IL16: variants seen among roughly 807,000 people sequenced by gnomAD.
IL16 encodes interleukin 16.
In IL16, 67 loss-of-function variants were observed where a neutral mutation model predicts 110.1. The ratio of observed to expected loss-of-function variants is 0.61; its 90% confidence interval spans 0.50 to 0.75. IL16 has a LOEUF of 0.75. IL16 is among the 30% of genes least tolerant of loss of function. The pLI is 0.00. For synonymous variants in IL16, 689 were observed against 662.9 expected, an observed-to-expected ratio of 1.04 and a Z score of -0.61; for missense variants, 1,545 against 1,655.0, an observed-to-expected ratio of 0.93 and a Z score of 1.15.
At chr15:81,227,432 C>T (rs929513591) in intron 2 of IL16, among the ~76,000 whole-genome samples, 2 of 152,166 alleles carry the variant, frequency 1.3e-5, no homozygotes, top group East Asian at 1.9e-4. Context: ...GAGGGGGGTG[C>T]ATCACGTGCC....
intron 10 of IL16, chr15:81,290,004 G>C (rs564891305): frequency 2.5e-6 from 1 of 397,106 alleles, no homozygotes; most frequent in East Asian, 7.2e-5. Flanking sequence ...TTTGACTCTA[G>C]GACTCATACT....
intron 6 of IL16, among the ~76,000 whole-genome samples, chr15:81,278,388 G>A (rs998897946): frequency 6.6e-6 from 1 of 152,192 alleles, no homozygotes; most frequent in Non-Finnish European, 1.5e-5. Flanking sequence ...AGGGATAGGA[G>A]GAGAAAGTGG....
At chr15:81,227,275 A>G (rs142847299) in intron 2 of IL16, among the ~76,000 whole-genome samples, 99 of 152,256 alleles carry the variant, frequency 6.5e-4, no homozygotes, top group African/African-American at 2.3e-3. Flanking sequence ...ATATAATATT[A>G]TATTAAGTAG....
chr15:81,284,004 G>GAAA (rs565288106), intron 9 of IL16, among the ~76,000 whole-genome samples: 50 of 82,454 alleles, frequency 6.1e-4, no homozygotes, highest in African/African-American at 9.6e-4. Flanking sequence ...CCCTGTCTCA[G>GAAA]AAAAAAAAAA....
chr15:81,262,338 T>C (rs367931191), intron 3 of IL16, among the ~76,000 whole-genome samples: 10 of 152,220 alleles, frequency 6.6e-5, no homozygotes, highest in Non-Finnish European at 1.5e-4. Context: ...TCTTTTTTAA[T>C]GTGAAAGTTA....
rs765318997 is a variant in IL16, at chr15:81,197,161, ATGTC to A, written c.-102+14_-102+17del. 12 of 1,286,828 alleles carry A rather than the reference ATGTC, an allele frequency of 9.3e-6. No homozygotes were observed. The highest frequency in any genetic ancestry group is 1.1e-4 in the East Asian group (2 of 17,938). The allele number at this position is 1,286,828 out of a possible 1,614,324, so 79.7% of individuals were successfully genotyped here. ...AGGTAGGTGGGCACCAGGTGAGTGA[ATGTC>A]TGTCAGGCAGCTGCTCTGTCCAGGT... On this transcript the variant is annotated intron_variant, in intron 1 of 18. Transcript: ENST00000683961.
At chr15:81,238,705 A>G (rs917127776) in intron 2 of IL16, among the ~76,000 whole-genome samples, 2 of 152,004 alleles carry the variant, frequency 1.3e-5, no homozygotes, top group African/African-American at 4.8e-5. Flanking sequence ...TTATATTTTT[A>G]CTCATTCTAT....
At chr15:81,265,571 G>T in intron 3 of IL16, 88 bp from the exon 4 acceptor site, 1 of 1,441,978 alleles carries the variant, frequency 6.9e-7, no homozygotes, top group Non-Finnish European at 9.5e-7. Context: ...CTGGCCCCTG[G>T]CTAATGAGGG....
At chr15:81,213,767 G>A (rs1896330364) in intron 1 of IL16, among the ~76,000 whole-genome samples, 2 of 152,078 alleles carry the variant, frequency 1.3e-5, no homozygotes, top group Admixed American at 1.3e-4. Flanking sequence ...AAGTCTATGG[G>A]AGCTACGTGA....
chr15:81,240,989 A>T (rs1897319563), intron 2 of IL16, among the ~76,000 whole-genome samples: 1 of 151,994 alleles, frequency 6.6e-6, no homozygotes, highest in Admixed American at 6.6e-5. Flanking sequence ...TCTGTGGGGT[A>T]TAGGGGTACA....
upstream of IL16, among the ~76,000 whole-genome samples, chr15:81,196,173 T>C (rs1895592330): frequency 6.6e-6 from 1 of 152,184 alleles, no homozygotes; most frequent in African/African-American, 2.4e-5. Context: ...GTCTGTTGTT[T>C]TTGGGAAAGG....
intron 4 of IL16, 120 bp from the exon 5 acceptor site, chr15:81,269,418 T>C: frequency 1.4e-6 from 1 of 708,604 alleles, no homozygotes; most frequent in Non-Finnish European, 2.6e-6. Flanking sequence ...TTACGCTGCC[T>C]GCCCTTAGGA....
At position 81,308,787 on chromosome 15, in the gene IL16, G is replaced by A; in HGVS notation, c.3988G>A (p.Gly1330Arg). 1 of 1,612,772 alleles carries A rather than the reference G, an allele frequency of 6.2e-7. No individual in the cohort carries two copies. Among genetic ancestry groups the A allele is most frequent in the Non-Finnish European group, 8.5e-7 (1 of 1,179,596 alleles). ...CCAGTCCAAGGAAACCACAGCTGCTGGAGACTCCTAGGCAGGACATGCTGA... is the reference window on the plus strand; with the variant it reads ...CCAGTCCAAGGAAACCACAGCTGCTAGAGACTCCTAGGCAGGACATGCTGA... ...SLQSKETTAA[G>R]DS is the part of the protein sequence containing the mutation. The change falls in exon 19 of 19, where the codon GGA (glycine) becomes AGA (arginine). Residue 1330 changes from glycine to arginine, a missense_variant. Around this residue, in one of 3 missense-constraint regions of IL16, gnomAD observed 356 missense variants for 399.3 expected, o/e 0.89. Coordinates refer to ENST00000683961, the MANE Select transcript of IL16 (RefSeq NM_172217.5).
intron 2 of IL16, among the ~76,000 whole-genome samples, chr15:81,231,362 C>CTCTCTCTCTCTCTT: frequency 6.8e-6 from 1 of 146,428 alleles, no homozygotes; most frequent in East Asian, 2.1e-4. Context: ...CTCTCTCTCT[C>CTCTCTCTCTCTCTT]TCTCTCTCTC....
At chr15:81,283,667 G>T (rs573549647) in intron 9 of IL16, among the ~76,000 whole-genome samples, 1 of 152,300 alleles carries the variant, frequency 6.6e-6, no homozygotes, top group Non-Finnish European at 1.5e-5. Flanking sequence ...GAGCTTTGAT[G>T]AGGTTAATCT....
intron 2 of IL16, among the ~76,000 whole-genome samples, chr15:81,254,142 T>G (rs1273637996): frequency 1.3e-5 from 2 of 152,160 alleles, no homozygotes; most frequent in Non-Finnish European, 2.9e-5. Flanking sequence ...GCATCTGAGT[T>G]CAAAGAGAAA....
In IL16 at chr15:81,284,638, G is replaced by A. The variant is rs146758551; in HGVS notation, c.1200-1060G>A. On this transcript the variant is annotated intron_variant, in intron 9 of 18. Coordinates refer to ENST00000683961, the MANE Select transcript of IL16 (RefSeq NM_172217.5). ...AGGAGGATGAACTCAGCAGAAGGAA[G>A]TCACAGAACACAGCAGGGGACACAG... 7.0e-3 allele frequency among the ~76,000 whole-genome samples: 1,071 copies of A among 152,356 alleles called. 15 individuals are homozygous for A. Among genetic ancestry groups the A allele is most frequent in the South Asian group, 0.015 (71 of 4,828 alleles).
In IL16 at chr15:81,303,583, A is replaced by C. The variant is rs1233303506; in HGVS notation, c.3353A>C (p.Lys1118Thr). 5 of 1,613,822 alleles carry C rather than the reference A, an allele frequency of 3.1e-6. No individual in the cohort carries two copies. The Admixed American group carries it at 8.3e-5, about 27-fold the overall frequency. The change falls in exon 16 of 19, where the codon AAG (lysine) becomes ACG (threonine). Residue 1118 changes from lysine (K) to threonine (T), a missense_variant. This residue lies in a region of IL16 where 356 missense variants were observed against 399.3 expected (regional missense o/e 0.89). Coordinates refer to ENST00000683961, the MANE Select transcript of IL16 (RefSeq NM_172217.5). The surrounding 1 kb of genome is among the most constrained non-coding windows in gnomAD (Gnocchi z 4.1). ...LDGIHVTILH[K>T]EEGAGLGFSL... Reference sequence around the variant, plus strand: ...GGCATCCATGTCACCATCTTACACAAGGAGGAAGGTGCTGGTCTTGGGTTC... The same window carrying C: ...GGCATCCATGTCACCATCTTACACACGGAGGAAGGTGCTGGTCTTGGGTTC...
rs576209749 is a variant in IL16 at position 81,225,417 on chromosome 15, C to A, written c.18C>A (p.Arg6=). 6.2e-7 allele frequency: 1 copy of A among 1,613,888 alleles called. No individual in the cohort carries two copies. Among genetic ancestry groups the A allele is most frequent in the Admixed American group, 1.7e-5 (1 of 59,998 alleles). The change falls in exon 2 of 19, where the codon CGC becomes CGA. Residue 6 remains arginine, a synonymous_variant. Coordinates refer to ENST00000683961, the MANE Select transcript of IL16 (RefSeq NM_172217.5). ...CTTTGAGGATGGAGTCGCACAGCCGCGCTGGAAAGAGCAGAAAATCTGCAA... is the reference window on the plus strand; with the variant it reads ...CTTTGAGGATGGAGTCGCACAGCCGAGCTGGAAAGAGCAGAAAATCTGCAA... MESHS[R]AGKSRKSAKF... is the part of the protein sequence containing the mutation.
Sources: allele counts gnomAD v4.1 joint callset (sites outside exome capture counted in the v4.1 genomes callset), GRCh38; gene constraint gnomAD v4.1.1; regional missense constraint gnomAD v4.1.1; non-coding constraint Gnocchi (gnomAD v3.1); transcripts MANE v1.5; gene names NCBI Gene and HGNC (gene_info 2026-07-23, HGNC 2026-07-21).